The following FCSK variants were observed in gnomAD, a reference collection of about 807,000 sequenced individuals.
The protein encoded by FCSK is L-fucose kinase.
In FCSK, 123 loss-of-function variants were observed where a neutral mutation model predicts 122.5. The observed-to-expected ratio is 1.00, with a 90% CI of 0.87 to 1.17. The LOEUF (loss-of-function observed/expected upper bound fraction) is 1.17. Among genes scored for constraint, FCSK ranks in the 50% most tolerant of loss-of-function variants. The probability of loss-of-function intolerance (pLI) is 0.00; values close to 1 mark genes in which losing one functional copy is unlikely to be tolerated. For synonymous variants in FCSK, 620 were observed against 625.5 expected, an observed-to-expected ratio of 0.99 and a Z score of 0.13; for missense variants, 1,366 against 1,450.4, an observed-to-expected ratio of 0.94 and a Z score of 0.95.
Position 70,474,113 on chromosome 16 carries a change from A to G in FCSK, c.1778-16A>G. Reference sequence around the variant, plus strand: ...CAGGCCTCCTCCCCTGCCACCCCCAACTCCTTGTCCCTCAGTTGCAGCTGG... The same window carrying G: ...CAGGCCTCCTCCCCTGCCACCCCCAGCTCCTTGTCCCTCAGTTGCAGCTGG... On this transcript the variant is annotated splice_polypyrimidine_tract_variant and intron_variant, in intron 15 of 23. Transcript: ENST00000288078. The G allele has an allele frequency of 6.5e-7, 1 of 1,548,352 alleles. No individual in the cohort carries two copies.
At chr16:70,456,504 C>G (rs912424022) in intron 1 of FCSK, among the ~76,000 whole-genome samples, 1 of 152,152 alleles carries the variant, frequency 6.6e-6, no homozygotes, top group Non-Finnish European at 1.5e-5. Flanking sequence ...TTTTTTTCTT[C>G]TTCAGGACAG....
chr16:70,471,038 G>A lies in FCSK; in HGVS notation c.1136G>A (p.Gly379Asp). 6.9e-6 allele frequency: 11 copies of A among 1,603,348 alleles called. No homozygotes were observed. The highest frequency in any genetic ancestry group is 8.5e-6 in the Non-Finnish European group (10 of 1,177,110). Residue 379 changes from glycine to aspartate, a missense_variant, in exon 12 of 24, where the codon GGT becomes GAT. Transcript: ENST00000288078. Reference protein sequence around the residue: ...SCLLEGPVQLGPGSVLQHCHL... With the variant: ...SCLLEGPVQLDPGSVLQHCHL... ...CTGCTGGAGGGCCCTGTCCAGCTGG[G>A]TCCTGGGAGCGTCCTGCAGCACTGC...
chr16:70,470,391 G>T lies in FCSK; in HGVS notation c.1033G>T (p.Ala345Ser). The T allele has an allele frequency of 6.2e-7, 1 of 1,612,742 alleles. No homozygotes were observed. Among genetic ancestry groups the T allele is most frequent in the Non-Finnish European group, 8.5e-7 (1 of 1,179,396 alleles). Reference sequence around the variant, plus strand: ...CCTGCTCAGCCTCACACTCCCCGGGGCTCCTGGGGCCCAGATTGTGCACTC... The same window carrying T: ...CCTGCTCAGCCTCACACTCCCCGGGTCTCCTGGGGCCCAGATTGTGCACTC... ...EFLLSLTLPG[A>S]PGAQIVHSQV... Residue 345 changes from alanine to serine, a missense_variant, in exon 11 of 24, where the codon GCT becomes TCT. Physicochemically the swap from Ala to Ser is moderately conservative, Grantham distance 99. Transcript: ENST00000288078.
chr16:70,471,817 TTTTTTTTTTTTTGAGACTC>T (rs979659262), intron 13 of FCSK, among the ~76,000 whole-genome samples: 11 of 149,664 alleles, frequency 7.3e-5, no homozygotes, highest in Admixed American at 2.0e-4. Context: ...TTGTTGTTTT[TTTTTTTTTTTTTGAGACTC>T]ACTCTGTCTC....
At chr16:70,474,418 A>G in intron 16 of FCSK, 79 bp downstream of exon 16, 1 of 1,558,694 alleles carries the variant, frequency 6.4e-7, no homozygotes, top group South Asian at 1.2e-5. Flanking sequence ...GGAAACCCAG[A>G]GAGAGGTGGG....
At chr16:70,466,812 T>G in intron 5 of FCSK, 70 bp from the exon 6 acceptor site, 1 of 1,417,128 alleles carries the variant, frequency 7.1e-7, no homozygotes, top group South Asian at 1.2e-5. Context: ...CACAGTATCC[T>G]TGGGCAAGGA....
intron 10 of FCSK, among the ~76,000 whole-genome samples, chr16:70,469,849 CTT>C (rs889447514): frequency 7.8e-5 from 11 of 140,572 alleles, no homozygotes; most frequent in Admixed American, 1.4e-4. Context: ...TGTCTGCTTT[CTT>C]TTTTTTTTTT....
chr16:70,467,979 G>T lies in FCSK; in HGVS notation c.663+13G>T, dbSNP rs1045474549. The T allele has an allele frequency of 2.5e-6, 4 of 1,611,614 alleles. No individual in the cohort carries two copies. Among genetic ancestry groups the T allele is most frequent in the Non-Finnish European group, 3.4e-6 (4 of 1,177,758 alleles). On this transcript the variant is annotated intron_variant, in intron 8 of 23. Coordinates refer to ENST00000288078, the MANE Select transcript of FCSK (RefSeq NM_145059.3). ...GCGGGTGCCACTGGTATGGCTGCTG[G>T]GCCCAGGTTGCGGGGCTTTGGGGAC...
intron 1 of FCSK, among the ~76,000 whole-genome samples, chr16:70,459,435 G>T (rs774898553): frequency 3.3e-5 from 5 of 152,048 alleles, no homozygotes; most frequent in Non-Finnish European, 5.9e-5. Context: ...TACTCGGGAG[G>T]CTGAGGCAGG....
chr16:70,469,905 C>T (rs1413625090), intron 10 of FCSK, among the ~76,000 whole-genome samples: 1 of 149,466 alleles, frequency 6.7e-6, no homozygotes, highest in Non-Finnish European at 1.5e-5. Flanking sequence ...AGTGCAGTGG[C>T]GTAATTTCGG....
intron 1 of FCSK, chr16:70,458,070 G>T: frequency 7.3e-6 from 1 of 136,464 alleles, no homozygotes. Context: ...TAAGGGTGTT[G>T]TCAAGATAAA....
intron 13 of FCSK, 68 bp from the exon 14 acceptor site, chr16:70,472,473 C>T: frequency 7.6e-7 from 1 of 1,313,878 alleles, no homozygotes; most frequent in South Asian, 1.3e-5. Context: ...CTCCTGGCCC[C>T]CTGGCCGAGT....
Position 70,457,132 on chromosome 16 carries a change from C to T in FCSK, c.-23+2502C>T, listed in dbSNP as rs1169974031. On this transcript the variant is annotated intron_variant, in intron 1 of 23. Coordinates refer to ENST00000288078, the MANE Select transcript of FCSK (RefSeq NM_145059.3). The stretch of plus-strand genomic sequence containing the variant: ...TACGCAACCCAGGACTGTTCCTCTG[C>T]CCCTGTCATTAGTAAGGGATACTCT... 3.9e-5 allele frequency among the ~76,000 whole-genome samples: 6 copies of T among 152,284 alleles called. No individual in the cohort carries two copies. In the East Asian group the frequency reaches 9.7e-4, roughly 24 times the overall value.
chr16:70,459,474 A>T (rs1284619143), intron 1 of FCSK, among the ~76,000 whole-genome samples: 1 of 151,918 alleles, frequency 6.6e-6, no homozygotes, highest in East Asian at 1.9e-4. Flanking sequence ...GGAGGTGGAG[A>T]TTACAGTGAG....
intron 20 of FCSK, among the ~76,000 whole-genome samples, chr16:70,476,996 G>A (rs1451771800): frequency 6.6e-6 from 1 of 152,156 alleles, no homozygotes; most frequent in Non-Finnish European, 1.5e-5. Context: ...ACTGTGCCAA[G>A]TGCTTTGAAG....
chr16:70,467,606 G>A (rs1597616701), intron 7 of FCSK, 135 bp downstream of exon 7: 1 of 724,278 alleles, frequency 1.4e-6, no homozygotes, highest in Non-Finnish European at 2.3e-6. Context: ...TTTCCTCCGT[G>A]GCAGTGGCAC....
intron 1 of FCSK, among the ~76,000 whole-genome samples, chr16:70,459,870 C>T (rs1478727537): frequency 2.7e-5 from 4 of 148,826 alleles, no homozygotes; most frequent in South Asian, 4.3e-4. Context: ...GGTATGGTCT[C>T]GGCTCACTGC....
intron 13 of FCSK, among the ~76,000 whole-genome samples, chr16:70,471,786 T>C (rs1248623035): frequency 6.7e-6 from 1 of 150,322 alleles, no homozygotes; most frequent in Non-Finnish European, 1.5e-5. Context: ...GGTTTCGCCA[T>C]GCTAGTCTGG....
At chr16:70,460,233 T>C (rs531416673) in intron 1 of FCSK, among the ~76,000 whole-genome samples, 4 of 149,666 alleles carry the variant, frequency 2.7e-5, no homozygotes, top group Admixed American at 2.0e-4. Context: ...TGCCTCAGCC[T>C]CCCGAGTAGC....
Sources: allele counts gnomAD v4.1 joint callset (sites outside exome capture counted in the v4.1 genomes callset), GRCh38; gene constraint gnomAD v4.1.1; transcripts MANE v1.5; gene names NCBI Gene and HGNC (gene_info 2026-07-23, HGNC 2026-07-21).